Variants in ZDHHC14 observed in about 807,000 individuals in gnomAD.
ZDHHC14 encodes palmitoyltransferase ZDHHC14.
ZDHHC14 carries 16 observed loss-of-function variants against 47.7 expected under a neutral mutation model. The observed-to-expected ratio is 0.34, with a 90% CI of 0.23 to 0.51. The LOEUF (loss-of-function observed/expected upper bound fraction) is 0.51, where lower values mean the gene tolerates loss of function less well. ZDHHC14 is among the 20% of genes least tolerant of loss of function. ZDHHC14 has a pLI of 0.97. For synonymous variants in ZDHHC14, 293 were observed against 278.9 expected (o/e 1.05, Z -0.50); for missense variants, 515 against 662.5 (o/e 0.78, Z 2.44).
intron 1 of ZDHHC14, among the ~76,000 whole-genome samples, chr6:157,433,077 C>T (rs985217206): frequency 6.6e-6 from 1 of 152,246 alleles, no homozygotes; most frequent in South Asian, 2.1e-4. Context: ...GTCTAATGAA[C>T]GTGTTACATG....
intron 8 of ZDHHC14, among the ~76,000 whole-genome samples, chr6:157,659,540 C>T (rs1778252141): frequency 6.6e-6 from 1 of 152,220 alleles, no homozygotes; most frequent in Non-Finnish European, 1.5e-5. Flanking sequence ...CTTTGATTTG[C>T]TTCAGCTGCT....
intron 1 of ZDHHC14, among the ~76,000 whole-genome samples, chr6:157,506,422 C>A (rs142441803): frequency 0.011 from 1,695 of 152,296 alleles, 37 homozygotes; most frequent in African/African-American, 0.038. Context: ...TGGAGAGAGC[C>A]CTCTGCAAGG....
chr6:157,621,103 A>G (rs1019824494), intron 3 of ZDHHC14, among the ~76,000 whole-genome samples: 1 of 152,200 alleles, frequency 6.6e-6, no homozygotes, highest in African/African-American at 2.4e-5. Context: ...CAAAGCTTTT[A>G]TAACTTAGAT....
intron 6 of ZDHHC14, among the ~76,000 whole-genome samples, chr6:157,646,071 T>C (rs1026277282): frequency 1.3e-5 from 2 of 152,192 alleles, no homozygotes; most frequent in South Asian, 4.1e-4. Flanking sequence ...GTTACTAAGA[T>C]TGGCCAAGCA....
chr6:157,637,232 C>G (rs1221410649), intron 5 of ZDHHC14, among the ~76,000 whole-genome samples: 1 of 152,178 alleles, frequency 6.6e-6, no homozygotes, highest in Admixed American at 6.5e-5. Context: ...CCAGCGGGAG[C>G]TTATGTGGTG....
intron 1 of ZDHHC14, among the ~76,000 whole-genome samples, chr6:157,506,645 A>G (rs1274308000): frequency 6.6e-6 from 1 of 152,218 alleles, no homozygotes; most frequent in Non-Finnish European, 1.5e-5. Context: ...CTGCTGTTGT[A>G]TATTAGGTAT....
chr6:157,493,767 C>T (rs947084981), intron 1 of ZDHHC14, among the ~76,000 whole-genome samples: 4 of 152,248 alleles, frequency 2.6e-5, no homozygotes, highest in East Asian at 1.9e-4. Context: ...CACCCAGGTC[C>T]GCCGTCCTGT....
intron 1 of ZDHHC14, among the ~76,000 whole-genome samples, chr6:157,431,873 T>C (rs1161410609): frequency 6.6e-6 from 1 of 151,872 alleles, no homozygotes; most frequent in Non-Finnish European, 1.5e-5. Flanking sequence ...GGACCACAAG[T>C]GTGCACCACC....
chr6:157,675,724 C>G lies in ZDHHC14; in HGVS notation c.*2602C>G, dbSNP rs1282126477. 1 of 152,190 alleles carries G rather than the reference C, an allele frequency of 6.6e-6. No individual in the cohort carries two copies. Among genetic ancestry groups the G allele is most frequent in the East Asian group, 1.9e-4 (1 of 5,190 alleles). 9.4% of individuals were successfully genotyped at this position (152,190 alleles called of 1,614,324 possible). A position where few individuals can be genotyped will look rare whatever the true frequency, so the allele number is the denominator to read the frequency against. ...TGGCGAGGTGATGGCTCTGCATTTC[C>G]CACGAACATATATGTGACATGTACA... On this transcript the variant is annotated 3_prime_UTR_variant, in exon 9 of 9. Transcript: ENST00000359775.
At chr6:157,451,891 A>G (rs1233095239) in intron 1 of ZDHHC14, among the ~76,000 whole-genome samples, 1 of 152,188 alleles carries the variant, frequency 6.6e-6, no homozygotes, top group Non-Finnish European at 1.5e-5. Context: ...GGTGGCATAT[A>G]TTTTTGAGGG....
chr6:157,463,706 G>C lies in ZDHHC14; in HGVS notation c.246-78879G>C, dbSNP rs564677403. ...TGGCACTTCGTCCCAATGTCTCCCC[G>C]CTTTACCTTTCATTAGTCAGATCTG... On this transcript the variant is annotated intron_variant, in intron 1 of 8. Coordinates refer to ENST00000359775, the MANE Select transcript of ZDHHC14 (RefSeq NM_024630.3). This position sits in a 1 kb window ranked among gnomAD's most constrained non-coding sequence, Gnocchi z 4.4. 2.0e-5 allele frequency among the ~76,000 whole-genome samples: 3 copies of C among 152,114 alleles called. No homozygotes were observed. The highest frequency in any genetic ancestry group is 7.2e-5 in the African/African-American group (3 of 41,394).
chr6:157,415,754 A>G (rs1487127284), intron 1 of ZDHHC14, among the ~76,000 whole-genome samples: 1 of 152,040 alleles, frequency 6.6e-6, no homozygotes, highest in Non-Finnish European at 1.5e-5. Context: ...TGTGCCTGTA[A>G]TCCCAGCCAC....
At chr6:157,530,376 C>T (rs1781319272) in intron 1 of ZDHHC14, among the ~76,000 whole-genome samples, 1 of 152,174 alleles carries the variant, frequency 6.6e-6, no homozygotes, top group South Asian at 2.1e-4. Flanking sequence ...ATAGTCGATA[C>T]CACGGGCATT....
chr6:157,456,170 G>A (rs924576297), intron 1 of ZDHHC14, among the ~76,000 whole-genome samples: 11 of 152,196 alleles, frequency 7.2e-5, no homozygotes, highest in Non-Finnish European at 1.5e-4. Flanking sequence ...CTGCCTCCCC[G>A]AGGAGGCTGC....
rs1778890585 is a variant in ZDHHC14 at position 157,673,205 on chromosome 6, T to C, written c.*83T>C. 2 of 1,451,896 alleles carry C rather than the reference T, an allele frequency of 1.4e-6. No homozygotes were observed. The highest frequency in any genetic ancestry group is 1.8e-6 in the Non-Finnish European group (2 of 1,109,130). 89.9% of individuals were successfully genotyped at this position (1,451,896 alleles called of 1,614,324 possible). On this transcript the variant is annotated 3_prime_UTR_variant, in exon 9 of 9. Coordinates refer to ENST00000359775, the MANE Select transcript of ZDHHC14 (RefSeq NM_024630.3). This position sits in a 1 kb window ranked among gnomAD's most constrained non-coding sequence, Gnocchi z 5.4. ...GCGGAGGGGTGTGTCCCACAGCGACTTTCCCAGCCAATGCCACGGTGGAGA... is the reference window on the plus strand; with the variant it reads ...GCGGAGGGGTGTGTCCCACAGCGACCTTCCCAGCCAATGCCACGGTGGAGA...
chr6:157,576,748 C>T (rs1783321721), intron 2 of ZDHHC14, among the ~76,000 whole-genome samples: 1 of 152,220 alleles, frequency 6.6e-6, no homozygotes, highest in Non-Finnish European at 1.5e-5. Flanking sequence ...TTCTGACTGA[C>T]TCCTCTTAGC....
chr6:157,662,250 C>A (rs138650903), intron 8 of ZDHHC14, among the ~76,000 whole-genome samples: 32 of 152,312 alleles, frequency 2.1e-4, no homozygotes, highest in African/African-American at 7.5e-4. Flanking sequence ...AGCACGATCT[C>A]TGCTCACTGC....
intron 2 of ZDHHC14, among the ~76,000 whole-genome samples, chr6:157,578,745 C>T (rs1256589108): frequency 2.6e-5 from 4 of 152,234 alleles, no homozygotes; most frequent in Non-Finnish European, 4.4e-5. Context: ...CCCCTGCTTG[C>T]ACTCACTGTG....
chr6:157,461,552 A>G (rs994701), intron 1 of ZDHHC14, among the ~76,000 whole-genome samples: 115,366 of 152,026 alleles, frequency 0.76, 44,038 homozygotes, highest in East Asian at 0.92. Flanking sequence ...AGTGAAATGC[A>G]GCCTCCCTAG....
Sources: allele counts gnomAD v4.1 joint callset (sites outside exome capture counted in the v4.1 genomes callset), GRCh38; gene constraint gnomAD v4.1.1; non-coding constraint Gnocchi (gnomAD v3.1); transcripts MANE v1.5; gene names NCBI Gene and HGNC (gene_info 2026-07-23, HGNC 2026-07-21).